The following CFAP57 variants were observed in gnomAD, a reference collection of about 807,000 sequenced individuals.
CFAP57 encodes the protein cilia and flagella associated protein 57.
CFAP57 carries 116 observed loss-of-function variants against 146.8 expected under a neutral mutation model. That is an observed-to-expected ratio of 0.79 (90% CI 0.68 to 0.92). CFAP57 has a LOEUF of 0.92. Ranked by LOEUF, CFAP57 falls within the 40% of genes least tolerant of loss-of-function variation. The pLI is 0.00. For missense variants in CFAP57, 1,377 were observed against 1,527.2 expected (o/e 0.90, Z 1.64); for synonymous variants, 518 against 552.8 (o/e 0.94, Z 0.88).
chr1:43,198,323 T>C (rs370530259), intron 7 of CFAP57, among the ~76,000 whole-genome samples, 158 bp from the exon 8 acceptor site: 2 of 152,232 alleles, frequency 1.3e-5, no homozygotes, highest in African/African-American at 4.8e-5. Flanking sequence ...CGCTGGACAT[T>C]ATCCCCTAAT....
rs573513103 is a variant in CFAP57, at chr1:43,184,049, T to A, written c.761+172T>A. Among the ~76,000 whole-genome samples, 14 of 152,356 alleles carry A rather than the reference T, an allele frequency of 9.2e-5. No individual in the cohort carries two copies. In the East Asian group the frequency reaches 2.3e-3, roughly 25 times the overall value. The stretch of plus-strand genomic sequence containing the variant: ...TATATTTAAGCACAGATTTAACAGT[T>A]ATAACCATAGACTAAATACAATTCT... On this transcript the variant is annotated intron_variant, in intron 4 of 22. Coordinates refer to ENST00000372492, the MANE Select transcript of CFAP57 (RefSeq NM_001378189.1).
At position 43,234,506 on chromosome 1, in the gene CFAP57, AG is replaced by A; in HGVS notation, c.3276del (p.Leu1093Ter). The A allele has an allele frequency of 6.5e-7, 1 of 1,549,096 alleles. No individual in the cohort carries two copies. Among genetic ancestry groups the A allele is most frequent in the African/African-American group, 1.4e-5 (1 of 73,028 alleles). On this transcript the variant is annotated frameshift_variant, in exon 21 of 23. Coordinates refer to ENST00000372492, the MANE Select transcript of CFAP57 (RefSeq NM_001378189.1). LOFTEE classifies it high-confidence loss of function. Reference protein sequence around the residue: ...VQRADMVEIAGLNTDLQQEYT... With the variant: ...VQRADMVEIAXLNTDLQQEYT... ...CTGGGCCCCGTCAGGTGGAGATCGCAGGGCTGAACACAGACCTGCAGCAGGA... is the reference window on the plus strand; with the variant it reads ...CTGGGCCCCGTCAGGTGGAGATCGCAGGCTGAACACAGACCTGCAGCAGGA...
chr1:43,231,819 A>G (rs1645483225), intron 18 of CFAP57, among the ~76,000 whole-genome samples: 1 of 152,156 alleles, frequency 6.6e-6, no homozygotes, highest in Admixed American at 6.5e-5. Flanking sequence ...GTGAGCCAAG[A>G]TAGAGATCGC....
In CFAP57 at chr1:43,254,135, G is replaced by A. The variant is rs1386845450; in HGVS notation, c.3697G>A (p.Val1233Ile). Residue 1233 changes from valine (V) to isoleucine (I), a missense_variant, in exon 23 of 23, where the codon GTT (valine) becomes ATT (isoleucine). By Grantham distance (29) the Val-to-Ile change is conservative. Coordinates refer to ENST00000372492, the MANE Select transcript of CFAP57 (RefSeq NM_001378189.1). ...CACAGGGTTCCACACCCTCGCTGGA[G>A]TTCGGCTTCCTTCCCTCTCCAACTC... ...QVTGFHTLAG[V>I]RLPSLSNSEV... is the part of the protein sequence containing the mutation. 2 of 1,550,688 alleles carry A rather than the reference G, an allele frequency of 1.3e-6. No homozygotes were observed. The highest frequency in any genetic ancestry group is 1.7e-6 in the Non-Finnish European group (2 of 1,147,012).
chr1:43,231,827 C>A (rs773298463), intron 18 of CFAP57, among the ~76,000 whole-genome samples: 5 of 152,074 alleles, frequency 3.3e-5, no homozygotes, highest in Non-Finnish European at 7.4e-5. Context: ...AGATAGAGAT[C>A]GCACCACTGC....
At chr1:43,212,986 T>C (rs968519211) in intron 11 of CFAP57, among the ~76,000 whole-genome samples, 2 of 151,734 alleles carry the variant, frequency 1.3e-5, no homozygotes, top group African/African-American at 4.8e-5. Context: ...ATTTCTTCTA[T>C]CTAATGTTTG....
chr1:43,173,566 C>T (rs1316859222), intron 2 of CFAP57, among the ~76,000 whole-genome samples: 1 of 152,208 alleles, frequency 6.6e-6, no homozygotes, highest in African/African-American at 2.4e-5. Flanking sequence ...TCTAGTGCTT[C>T]TCCCTGTATT....
intron 6 of CFAP57, among the ~76,000 whole-genome samples, chr1:43,191,463 T>G (rs1446937720): frequency 6.6e-6 from 1 of 151,658 alleles, no homozygotes; most frequent in Non-Finnish European, 1.5e-5. Flanking sequence ...GGTGGGCGCC[T>G]GTGGTCCCAG....
intron 12 of CFAP57, 80 bp downstream of exon 12, chr1:43,215,496 T>G: frequency 2.0e-6 from 3 of 1,481,364 alleles, no homozygotes; most frequent in Non-Finnish European, 2.7e-6. Context: ...ACTGGGGCCC[T>G]CTACAGCCTG....
Position 43,201,862 on chromosome 1 carries a change from A to G in CFAP57, c.1542+2359A>G, listed in dbSNP as rs1644139408. 6.6e-6 allele frequency among the ~76,000 whole-genome samples: 1 copy of G among 152,078 alleles called. No homozygotes were observed. ...ACTACTGACCTCAGGTGATCCACCC[A>G]CCTCGGCCTCCCAAAGTCCTGGGAT... On this transcript the variant is annotated intron_variant, in intron 9 of 22. Transcript: ENST00000372492. The surrounding 1 kb of genome is among the most constrained non-coding windows in gnomAD (Gnocchi z 4.4).
At chr1:43,230,384 G>A (rs1281421706) in intron 18 of CFAP57, among the ~76,000 whole-genome samples, 2 of 152,152 alleles carry the variant, frequency 1.3e-5, no homozygotes, top group Non-Finnish European at 2.9e-5. Flanking sequence ...CAGAACCTCT[G>A]CATCAGGCCC....
intron 17 of CFAP57, among the ~76,000 whole-genome samples, chr1:43,224,745 T>C (rs944675445): frequency 6.6e-6 from 1 of 152,212 alleles, no homozygotes; most frequent in Non-Finnish European, 1.5e-5. Context: ...ACCCAGTATG[T>C]AGTATCATCC....
intron 2 of CFAP57, among the ~76,000 whole-genome samples, chr1:43,180,238 T>TATATAA (rs1363991276): frequency 7.3e-6 from 1 of 137,816 alleles, no homozygotes; most frequent in African/African-American, 2.6e-5. Flanking sequence ...TATATATATA[T>TATATAA]AAAATATATA....
chr1:43,237,413 T>C lies in CFAP57; in HGVS notation c.3405+2775T>C, dbSNP rs149630169. On this transcript the variant is annotated intron_variant, in intron 21 of 22. Transcript: ENST00000372492. ...GGCTTCTTGTACAGCAAGCTCTGTG[T>C]CAGTCACTGAGGATTCCAAGATGAA... is the stretch of plus-strand genomic sequence containing the variant. Among the ~76,000 whole-genome samples, 409 of 152,366 alleles carry C rather than the reference T, an allele frequency of 2.7e-3. 2 individuals are homozygous for C. The highest frequency in any genetic ancestry group is 0.013 in the South Asian group (65 of 4,830).
chr1:43,241,374 G>A (rs530060863), intron 21 of CFAP57, among the ~76,000 whole-genome samples: 2 of 152,234 alleles, frequency 1.3e-5, no homozygotes, highest in South Asian at 2.1e-4. Flanking sequence ...GTCTAAAGGT[G>A]TAGATCTGTG....
At position 43,172,957 on chromosome 1, in the gene CFAP57, A is replaced by T. The variant is rs750553012; in HGVS notation, c.157+47A>T. The stretch of plus-strand genomic sequence containing the variant: ...CATATACAGGAATGGTATGTGCCAC[A>T]TATAACCCCATAATCCCAGCATGAT... On this transcript the variant is annotated intron_variant, in intron 2 of 22. Coordinates refer to ENST00000372492, the MANE Select transcript of CFAP57 (RefSeq NM_001378189.1). 15 of 1,512,194 alleles carry T rather than the reference A, an allele frequency of 9.9e-6. No homozygotes were observed. In the Middle Eastern group the frequency reaches 5.1e-4, roughly 51 times the overall value. 93.7% of individuals were successfully genotyped at this position (1,512,194 alleles called of 1,614,324 possible).
chr1:43,227,439 A>G (rs1645291040), intron 18 of CFAP57, among the ~76,000 whole-genome samples: 1 of 152,176 alleles, frequency 6.6e-6, no homozygotes, highest in African/African-American at 2.4e-5. Flanking sequence ...GCATTTGGCC[A>G]CCAGAGGGCA....
At chr1:43,214,775 C>T (rs1463634054) in intron 11 of CFAP57, among the ~76,000 whole-genome samples, 3 of 152,078 alleles carry the variant, frequency 2.0e-5, no homozygotes, top group Non-Finnish European at 4.4e-5. Context: ...TGCATCATTG[C>T]CAGCACTTGG....
intron 4 of CFAP57, chr1:43,184,735 A>T (rs1214725327): frequency 1.9e-5 from 3 of 158,644 alleles, no homozygotes; most frequent in African/African-American, 8.6e-5. Context: ...TGCCAATGGC[A>T]TATCCTTTTT....
Sources: gnomAD v4.1 joint callset for allele counts (sites outside exome capture counted in the v4.1 genomes callset) on GRCh38, gnomAD v4.1.1 for gene constraint, Gnocchi (gnomAD v3.1) non-coding constraint, MANE v1.5 for transcripts, NCBI Gene and HGNC (gene_info 2026-07-23, HGNC 2026-07-21) for gene names.